MRC2: variants seen among roughly 807,000 people sequenced by gnomAD.
The protein encoded by MRC2 is C-type mannose receptor 2.
A neutral mutation model predicts 206.2 loss-of-function variants in MRC2; 84 were observed. That is an observed-to-expected ratio of 0.41 (90% CI 0.34 to 0.49). MRC2 has a LOEUF of 0.49. Among genes scored for constraint, MRC2 ranks in the 20% least tolerant of loss-of-function variants. MRC2 has a pLI of 0.31. For missense variants in MRC2, 1,676 were observed against 2,001.5 expected (o/e 0.84, Z 3.10); for synonymous variants, 798 against 800.0 (o/e 1.00, Z 0.04).
Position 62,690,078 on chromosome 17 carries a change from C to A in MRC2, c.3742+16C>A. On this transcript the variant is annotated intron_variant, in intron 25 of 29. Transcript: ENST00000303375. The stretch of plus-strand genomic sequence containing the variant: ...GTTAGCAGTGGTGAGTGCCCACCTG[C>A]CAGGGCGGGGGCATGGGCAAGCTGT... 6.3e-7 allele frequency: 1 copy of A among 1,585,766 alleles called. No homozygotes were observed. Among genetic ancestry groups the A allele is most frequent in the South Asian group, 1.2e-5 (1 of 86,480 alleles).
At chr17:62,669,615 C>T (rs1214678567) in intron 6 of MRC2, among the ~76,000 whole-genome samples, 4 of 152,088 alleles carry the variant, frequency 2.6e-5, no homozygotes, top group Non-Finnish European at 5.9e-5. Flanking sequence ...CTGCAACCTC[C>T]GCCTCCCAGG....
In MRC2 at chr17:62,641,895, C is replaced by CTCTGTG. The variant is rs56350809; in HGVS notation, c.118+13976_118+13977insCTGTGT. 2.6e-3 allele frequency among the ~76,000 whole-genome samples: 397 copies of CTCTGTG among 150,070 alleles called. 1 individual carries two copies. Among genetic ancestry groups the CTCTGTG allele is most frequent in the African/African-American group, 5.2e-3 (213 of 40,916 alleles). On this transcript the variant is annotated intron_variant, in intron 1 of 29. Transcript: ENST00000303375. ...TTGCCACATTTGCTTATCTCACTCT[C>CTCTGTG]TGTGTGTGTGTGTGTGTGTGTGTGG... is the stretch of plus-strand genomic sequence containing the variant.
chr17:62,634,733 C>T (rs1478421266), intron 1 of MRC2, among the ~76,000 whole-genome samples: 1 of 152,158 alleles, frequency 6.6e-6, no homozygotes, highest in Admixed American at 6.5e-5. Flanking sequence ...CTTAGAATGC[C>T]TAACCTCTTG....
chr17:62,681,293 A>G lies in MRC2; in HGVS notation c.2702+164A>G, dbSNP rs191175709. ...TGGGCCTTGGTTTTCTCATCTGAAA[A>G]TGGGAATATGAGGCCTGCCTGGTAA... On this transcript the variant is annotated intron_variant, in intron 18 of 29. Transcript: ENST00000303375. The G allele has an allele frequency of 2.8e-5, 22 of 774,624 alleles. No homozygotes were observed. In the East Asian group the frequency reaches 4.9e-4, roughly 17 times the overall value. 48.0% of individuals were successfully genotyped at this position (774,624 alleles called of 1,614,324 possible).
At chr17:62,681,513 G>A (rs1225961047) in intron 18 of MRC2, 2 of 454,326 alleles carry the variant, frequency 4.4e-6, no homozygotes, top group Admixed American at 4.1e-5. Flanking sequence ...TGTACTGGGG[G>A]GCTTGAGGCA....
intron 1 of MRC2, among the ~76,000 whole-genome samples, chr17:62,651,772 A>T (rs1011322405): frequency 6.6e-6 from 1 of 151,650 alleles, no homozygotes; most frequent in Non-Finnish European, 1.5e-5. Context: ...GAGTTTCACC[A>T]TGTTGGCCAG....
At chr17:62,673,762 G>T (rs940980904) in intron 8 of MRC2, among the ~76,000 whole-genome samples, 1 of 151,990 alleles carries the variant, frequency 6.6e-6, no homozygotes, top group Non-Finnish European at 1.5e-5. Flanking sequence ...CGCCCACCTC[G>T]GCCTCCCAAA....
chr17:62,634,489 T>C (rs747714451), intron 1 of MRC2, among the ~76,000 whole-genome samples: 5 of 152,164 alleles, frequency 3.3e-5, no homozygotes, highest in Non-Finnish European at 7.3e-5. Context: ...TTAGTAGAGA[T>C]GGGATTTTAC....
intron 1 of MRC2, among the ~76,000 whole-genome samples, chr17:62,630,757 G>A (rs1421965406): frequency 6.6e-6 from 1 of 152,144 alleles, no homozygotes; most frequent in African/African-American, 2.4e-5. Flanking sequence ...GGGGAAGGTC[G>A]GTGCTGCCTA....
chr17:62,659,547 A>G (rs74944981), intron 1 of MRC2, among the ~76,000 whole-genome samples: 2 of 146,034 alleles, frequency 1.4e-5, no homozygotes, highest in African/African-American at 2.5e-5. Flanking sequence ...CTCTGTATCA[A>G]AAAAAAAAAA....
At chr17:62,677,985 GC>G (rs1296212394) in intron 12 of MRC2, among the ~76,000 whole-genome samples, 1 of 152,200 alleles carries the variant, frequency 6.6e-6, no homozygotes, top group African/African-American at 2.4e-5. Flanking sequence ...AGGAGGCGGA[GC>G]TTGCAGTGAG....
chr17:62,660,274 C>T (rs932636345), intron 1 of MRC2, among the ~76,000 whole-genome samples: 2 of 152,018 alleles, frequency 1.3e-5, no homozygotes, highest in African/African-American at 4.8e-5. Context: ...GCAGTTTTAC[C>T]GGTTAGAGCT....
intron 8 of MRC2, 87 bp from the exon 9 acceptor site, chr17:62,673,976 C>A: frequency 2.9e-6 from 3 of 1,040,652 alleles, no homozygotes; most frequent in Non-Finnish European, 4.3e-6. Flanking sequence ...AGAGACAGGG[C>A]CAGCTCTAGG....
intron 1 of MRC2, among the ~76,000 whole-genome samples, chr17:62,630,451 C>T (rs2084207237): frequency 6.6e-6 from 1 of 152,128 alleles, no homozygotes; most frequent in Admixed American, 6.5e-5. Context: ...ACCGTATGGG[C>T]CAAAGGGTGG....
In MRC2 at chr17:62,693,231, A is replaced by C. The variant is rs1057049967; in HGVS notation, c.*780A>C. The C allele has an allele frequency of 6.6e-6, 1 of 152,490 alleles. No individual in the cohort carries two copies. The highest frequency in any genetic ancestry group is 6.5e-5 in the Admixed American group (1 of 15,284). The allele number at this position is 152,490 out of a possible 1,614,324, so 9.4% of individuals were successfully genotyped here. A position where few individuals can be genotyped will look rare whatever the true frequency, so the allele number is the denominator to read the frequency against. On this transcript the variant is annotated 3_prime_UTR_variant, in exon 30 of 30. Transcript: ENST00000303375. Reference sequence around the variant, plus strand: ...CCTGGAAGAGTCCCCTGTGGGGACCAAAATAAGTTCCCTAACATCTCCAGC... The same window carrying C: ...CCTGGAAGAGTCCCCTGTGGGGACCCAAATAAGTTCCCTAACATCTCCAGC...
In MRC2 at chr17:62,680,680, TG is replaced by T; in HGVS notation, c.2474-119del. ...TGGCACGGTGCCTGCCTGGGTCCGG[TG>T]TGCCTGCAGGCTCGCCTGCTGCCGC... On this transcript the variant is annotated intron_variant, in intron 16 of 29. Coordinates refer to ENST00000303375, the MANE Select transcript of MRC2 (RefSeq NM_006039.5). This position sits in a 1 kb window ranked among gnomAD's most constrained non-coding sequence, Gnocchi z 4.8. The T allele has an allele frequency of 7.6e-7, 1 of 1,323,752 alleles. No homozygotes were observed. The highest frequency in any genetic ancestry group is 2.7e-5 in the East Asian group (1 of 37,514). 82.0% of individuals were successfully genotyped at this position (1,323,752 alleles called of 1,614,324 possible). A position where few individuals can be genotyped will look rare whatever the true frequency, so the allele number is the denominator to read the frequency against.
chr17:62,671,111 G>A lies in MRC2; in HGVS notation c.1118-538G>A, dbSNP rs921521939. ...GATTGAGATAAGGTCTTGCTGTGTCGCCCAGGCTGGAGTTTAGTGGTGCAA... is the reference window on the plus strand; with the variant it reads ...GATTGAGATAAGGTCTTGCTGTGTCACCCAGGCTGGAGTTTAGTGGTGCAA... On this transcript the variant is annotated intron_variant, in intron 6 of 29. Transcript: ENST00000303375. This position sits in a 1 kb window ranked among gnomAD's most constrained non-coding sequence, Gnocchi z 4.5. Among the ~76,000 whole-genome samples the A allele has an allele frequency of 6.6e-6, 1 of 152,132 alleles. No individual in the cohort carries two copies. The highest frequency in any genetic ancestry group is 1.5e-5 in the Non-Finnish European group (1 of 68,020).
In MRC2 at chr17:62,667,397, G is replaced by C; in HGVS notation, c.981G>C (p.Pro327=). 6.3e-7 allele frequency: 1 copy of C among 1,598,860 alleles called. No individual in the cohort carries two copies. The highest frequency in any genetic ancestry group is 1.1e-5 in the South Asian group (1 of 89,002). Residue 327 remains proline, a synonymous_variant, in exon 6 of 30, where the codon CCG becomes CCC. Transcript: ENST00000303375. The surrounding 1 kb of genome is among the most constrained non-coding windows in gnomAD (Gnocchi z 4.1). ...LKYLNWESDQ[P]DNPSEENCGV... is the part of the protein sequence containing the mutation. Reference sequence around the variant, plus strand: ...GCCCTGCCCTCCCCACAGACCAGCCGGACAACCCCAGTGAGGAGAACTGTG... The same window carrying C: ...GCCCTGCCCTCCCCACAGACCAGCCCGACAACCCCAGTGAGGAGAACTGTG...
chr17:62,629,649 T>G (rs1386843691), intron 1 of MRC2, among the ~76,000 whole-genome samples: 1 of 152,192 alleles, frequency 6.6e-6, no homozygotes, highest in Non-Finnish European at 1.5e-5. Context: ...AGAGTGCGCT[T>G]GCCCCTGCCC....
Sources: allele counts gnomAD v4.1 joint callset (sites outside exome capture counted in the v4.1 genomes callset), GRCh38; gene constraint gnomAD v4.1.1; non-coding constraint Gnocchi (gnomAD v3.1); transcripts MANE v1.5; gene names NCBI Gene and HGNC (gene_info 2026-07-23, HGNC 2026-07-21).